The following SP140 variants were observed in gnomAD, a reference collection of about 807,000 sequenced individuals.
SP140 encodes the protein nuclear body protein SP140.
SP140 carries 81 observed loss-of-function variants against 125.0 expected under a neutral mutation model. The observed-to-expected ratio is 0.65, with a 90% CI of 0.54 to 0.78. SP140 has a LOEUF of 0.78. Among genes scored for constraint, SP140 ranks in the 30% least tolerant of loss-of-function variants. The probability of loss-of-function intolerance (pLI) is 0.00; values close to 1 mark genes in which losing one functional copy is unlikely to be tolerated. For missense variants in SP140, 858 were observed against 1,037.0 expected (o/e 0.83, Z 2.37); for synonymous variants, 312 against 354.0 (o/e 0.88, Z 1.33).
intron 22 of SP140, 65 bp downstream of exon 22, chr2:230,297,527 G>C: frequency 6.4e-7 from 1 of 1,562,648 alleles, no homozygotes; most frequent in Non-Finnish European, 8.8e-7. Flanking sequence ...CATATGTTCT[G>C]TGTCATGACT....
At chr2:230,238,169 C>A in intron 2 of SP140, 44 bp from the exon 3 acceptor site, 1 of 1,409,102 alleles carries the variant, frequency 7.1e-7, no homozygotes, top group Non-Finnish European at 9.8e-7. Context: ...CTTTTGTAAC[C>A]CATAAATCTC....
intron 12 of SP140, among the ~76,000 whole-genome samples, chr2:230,258,258 T>A (rs1460052860): frequency 6.6e-6 from 1 of 152,052 alleles, no homozygotes; most frequent in Non-Finnish European, 1.5e-5. Flanking sequence ...GGAAACAAAA[T>A]CCTAGGATTC....
chr2:230,290,582 C>T lies in SP140; in HGVS notation c.1825+18C>T. 6.3e-7 allele frequency: 1 copy of T among 1,575,370 alleles called. No individual in the cohort carries two copies. Among genetic ancestry groups the T allele is most frequent in the Non-Finnish European group, 8.7e-7 (1 of 1,147,932 alleles). ...GCAGCAAGGTAGGTTTTATGGTCTTCTTTAATTTGCAGCTCCTATCTGAAG... is the reference window on the plus strand; with the variant it reads ...GCAGCAAGGTAGGTTTTATGGTCTTTTTTAATTTGCAGCTCCTATCTGAAG... On this transcript the variant is annotated intron_variant, in intron 19 of 26. Coordinates refer to ENST00000392045, the MANE Select transcript of SP140 (RefSeq NM_007237.5).
rs1444855757 is a variant in SP140 at position 230,285,833 on chromosome 2, G to A, written c.1645+1G>A. The stretch of plus-strand genomic sequence containing the variant: ...CTGAAAGACCTTTCCAAGATTAGGG[G>A]TAAGATAAAGTTTGTCCGCTTTCCC... On this transcript the variant is annotated splice_donor_variant, in intron 17 of 26. Transcript: ENST00000392045. LOFTEE classifies it high-confidence loss of function. The A allele has an allele frequency of 1.9e-6, 3 of 1,608,556 alleles. No individual in the cohort carries two copies. Among genetic ancestry groups the A allele is most frequent in the Non-Finnish European group, 2.6e-6 (3 of 1,175,134 alleles).
At position 230,284,427 on chromosome 2, in the gene SP140, G is replaced by A; in HGVS notation, c.1564+16G>A. On this transcript the variant is annotated intron_variant, in intron 16 of 26. Transcript: ENST00000392045. ...CAACAAAATGGTAAGCAGGCAAAGTGAAGTAGTTACAGCTTTTGAGTTTAT... is the reference window on the plus strand; with the variant it reads ...CAACAAAATGGTAAGCAGGCAAAGTAAAGTAGTTACAGCTTTTGAGTTTAT... 4 of 1,601,454 alleles carry A rather than the reference G, an allele frequency of 2.5e-6. No individual in the cohort carries two copies. Among genetic ancestry groups the A allele is most frequent in the Non-Finnish European group, 3.4e-6 (4 of 1,172,946 alleles).
chr2:230,308,043 G>A (rs944878862), intron 22 of SP140, among the ~76,000 whole-genome samples: 28 of 131,046 alleles, frequency 2.1e-4, no homozygotes, highest in African/African-American at 6.1e-4. Context: ...ACACACCATG[G>A]AATACTACTC....
the SP140 span, among the ~76,000 whole-genome samples, chr2:230,187,174 G>A: frequency 1.3e-5 from 2 of 150,820 alleles, no homozygotes; most frequent in Admixed American, 1.3e-4. Context: ...ATTTTTTTTT[G>A]ACTTCTTAAT....
intron 3 of SP140, chr2:230,220,190 G>A: frequency 2.2e-6 from 1 of 464,942 alleles, no homozygotes. Flanking sequence ...CAGAGAGGGA[G>A]GTATGGGAGG....
At chr2:230,202,415 A>G (rs143857502), upstream of SP140, among the ~76,000 whole-genome samples, 65 of 152,252 alleles carry the variant, frequency 4.3e-4, no homozygotes, top group South Asian at 2.7e-3. Context: ...TTCAGATGCA[A>G]CAGATGCTTG....
At chr2:230,207,950 CT>C (rs1281297208) in intron 1 of SP140, 1 of 971,510 alleles carries the variant, frequency 1.0e-6, no homozygotes, top group African/African-American at 1.6e-5. Flanking sequence ...CCTGCATGAG[CT>C]GTTTCCAGCC....
intron 12 of SP140, among the ~76,000 whole-genome samples, chr2:230,266,526 T>A (rs905728554): frequency 2.6e-5 from 4 of 152,226 alleles, no homozygotes; most frequent in African/African-American, 9.6e-5. Context: ...CCACTTGTTA[T>A]CTCACAGTCC....
chr2:230,221,535 G>A (rs949227162), upstream of SP140, among the ~76,000 whole-genome samples: 2 of 152,192 alleles, frequency 1.3e-5, no homozygotes, highest in Non-Finnish European at 2.9e-5. Flanking sequence ...GGTAATGGCT[G>A]TGGGTGAAAC....
At chr2:230,221,756 C>G (rs1027281459), upstream of SP140, 10 of 1,534,886 alleles carry the variant, frequency 6.5e-6, no homozygotes, top group Admixed American at 2.0e-4. Context: ...ATCTGAGGAT[C>G]CTGGCAGCAA....
intron 12 of SP140, among the ~76,000 whole-genome samples, chr2:230,259,345 A>G (rs145644976): frequency 2.0e-5 from 3 of 152,040 alleles, no homozygotes; most frequent in African/African-American, 4.8e-5. Flanking sequence ...GAGAACATAC[A>G]GTGTTTGGTT....
At chr2:230,261,564 A>G (rs1401106823) in intron 12 of SP140, among the ~76,000 whole-genome samples, 1 of 152,128 alleles carries the variant, frequency 6.6e-6, no homozygotes, top group Non-Finnish European at 1.5e-5. Flanking sequence ...ACATTTCCCC[A>G]TTCAGTATTA....
intron 21 of SP140, 51 bp downstream of exon 21, chr2:230,294,369 A>G (rs772846123): frequency 2.9e-6 from 4 of 1,400,422 alleles, no homozygotes; most frequent in East Asian, 2.3e-5. Flanking sequence ...CTGATTTAGC[A>G]TGCACAAAAT....
intron 15 of SP140, among the ~76,000 whole-genome samples, chr2:230,278,784 C>G (rs1161809741): frequency 6.6e-5 from 10 of 151,842 alleles, no homozygotes; most frequent in Admixed American, 5.9e-4. Flanking sequence ...TTCTTGGCAC[C>G]CTTGTCAAGA....
At chr2:230,269,997 C>G in intron 14 of SP140, 44 bp downstream of exon 14, 1 of 1,221,286 alleles carries the variant, frequency 8.2e-7, no homozygotes, top group Non-Finnish European at 1.2e-6. Context: ...GCTCAGTGGG[C>G]CCCACAGACC....
In SP140 at chr2:230,253,344, T is replaced by A; in HGVS notation, c.1086T>A (p.Asp362Glu). 2 of 1,612,390 alleles carry A rather than the reference T, an allele frequency of 1.2e-6. No homozygotes were observed. The highest frequency in any genetic ancestry group is 1.3e-5 in the African/African-American group (1 of 74,896). The change falls in exon 11 of 27, where the codon GAT (aspartate) becomes GAA (glutamate). Residue 362 changes from aspartate to glutamate, a missense_variant. Physicochemically the swap from Asp to Glu is conservative, Grantham distance 45 (BLOSUM62 2). Around this residue, in one of 4 missense-constraint regions of SP140, gnomAD observed 791 missense variants for 869.5 expected, o/e 0.91. Coordinates refer to ENST00000392045, the MANE Select transcript of SP140 (RefSeq NM_007237.5). ...CTTGTTTATCTGCAGAGACCTTTGA[T>A]CTAAAGACTCCCCAAGTCACTAATG... is the stretch of plus-strand genomic sequence containing the variant. ...SVSCLSAETF[D>E]LKTPQVTNEG...
Sources: allele counts gnomAD v4.1 joint callset (sites outside exome capture counted in the v4.1 genomes callset), GRCh38; gene constraint gnomAD v4.1.1; regional missense constraint gnomAD v4.1.1; transcripts MANE v1.5; gene names NCBI Gene and HGNC (gene_info 2026-07-23, HGNC 2026-07-21).